Variants in ACTR3C observed in about 807,000 individuals in gnomAD.
ACTR3C encodes the protein actin-related protein 3C.
A neutral mutation model predicts 26.3 loss-of-function variants in ACTR3C; 18 were observed. That is an observed-to-expected ratio of 0.68 (90% CI 0.47 to 1.01). The LOEUF is 1.01. Ranked by LOEUF, ACTR3C falls within the 50% of genes least tolerant of loss-of-function variation. The pLI, the probability that ACTR3C is intolerant of heterozygous loss-of-function variation, is 0.00. For synonymous variants in ACTR3C, 55 were observed against 94.5 expected, an observed-to-expected ratio of 0.58 and a Z score of 2.42; for missense variants, 184 against 250.7, an observed-to-expected ratio of 0.73 and a Z score of 1.80.
intron 4 of ACTR3C, among the ~76,000 whole-genome samples, chr7:150,288,415 T>C (rs571961017): frequency 2.7e-4 from 36 of 133,938 alleles, no homozygotes; most frequent in Admixed American, 9.8e-4. Flanking sequence ...TTTTTTTTTT[T>C]TTCTTCTTTT....
At chr7:149,901,910 CAAAAAAAAAAAAAAAAAAAAAAA>C in the ACTR3C span, among the ~76,000 whole-genome samples, 329 of 56,780 alleles carry the variant, frequency 5.8e-3, 3 homozygotes, top group Non-Finnish European at 7.0e-3. Context: ...GACTCTGTCT[CAAAAAAAAAAAAAAAAAAAAAAA>C]AAAAAAAGAA....
chr7:149,889,912 A>C, the ACTR3C span, among the ~76,000 whole-genome samples: 2 of 152,232 alleles, frequency 1.3e-5, no homozygotes, highest in Admixed American at 6.5e-5. Context: ...CTGTGGATGT[A>C]CAGAGAAAAC....
At chr7:150,304,393 T>A (rs1164492858) in intron 1 of ACTR3C, among the ~76,000 whole-genome samples, 2 of 152,138 alleles carry the variant, frequency 1.3e-5, no homozygotes, top group Non-Finnish European at 2.9e-5. Context: ...TTCAAGATAA[T>A]CATGTATTCG....
the ACTR3C span, among the ~76,000 whole-genome samples, chr7:150,069,580 C>A: frequency 6.6e-6 from 1 of 151,698 alleles, no homozygotes; most frequent in Non-Finnish European, 1.5e-5. Flanking sequence ...GAGATAAAAG[C>A]CAGGGAGAGG....
At chr7:150,283,360 G>T (rs1835499663) in intron 6 of ACTR3C, among the ~76,000 whole-genome samples, 1 of 150,010 alleles carries the variant, frequency 6.7e-6, no homozygotes, top group Non-Finnish European at 1.5e-5. Context: ...TTTGTATTTT[G>T]TATTAGACAA....
chr7:149,905,170 C>G, the ACTR3C span, among the ~76,000 whole-genome samples: 1 of 150,938 alleles, frequency 6.6e-6, no homozygotes, highest in South Asian at 2.1e-4. Context: ...GGAATCGAAC[C>G]CACTAGATTA....
chr7:150,203,980 G>A, the ACTR3C span, among the ~76,000 whole-genome samples: 11 of 150,662 alleles, frequency 7.3e-5, no homozygotes, highest in South Asian at 2.1e-4. Context: ...ATTGGTTAGC[G>A]CACATTTACA....
At chr7:150,163,422 C>G in the ACTR3C span, among the ~76,000 whole-genome samples, 2 of 150,066 alleles carry the variant, frequency 1.3e-5, no homozygotes, top group African/African-American at 4.9e-5. Context: ...ACACACTTAT[C>G]TGTTTGTATA....
the ACTR3C span, among the ~76,000 whole-genome samples, chr7:150,099,890 G>A: frequency 1.3e-5 from 2 of 151,660 alleles, no homozygotes; most frequent in South Asian, 2.1e-4. Flanking sequence ...AAGGGAGGTC[G>A]CAGTGGCCTC....
At chr7:150,171,333 A>G in the ACTR3C span, among the ~76,000 whole-genome samples, 1 of 150,324 alleles carries the variant, frequency 6.7e-6, no homozygotes, top group African/African-American at 2.5e-5. Flanking sequence ...AATATATCCA[A>G]ATATTTGGAA....
chr7:150,261,527 C>A (rs1395757940), intron 6 of ACTR3C, among the ~76,000 whole-genome samples: 8 of 152,230 alleles, frequency 5.3e-5, no homozygotes, highest in Non-Finnish European at 1.2e-4. Flanking sequence ...ATGGTGAAAC[C>A]CCGTCTCTAC....
At chr7:150,263,953 G>T (rs541331397) in intron 6 of ACTR3C, among the ~76,000 whole-genome samples, 119 of 152,344 alleles carry the variant, frequency 7.8e-4, no homozygotes, top group African/African-American at 2.6e-3. Context: ...GCAGGTGGAA[G>T]CTATGACTAT....
chr7:150,039,038 C>T, the ACTR3C span, among the ~76,000 whole-genome samples: 74 of 131,630 alleles, frequency 5.6e-4, no homozygotes, highest in Middle Eastern at 5.1e-3. Context: ...AGTAATCCCA[C>T]GTAAGGTACC....
chr7:150,136,529 G>C, the ACTR3C span, among the ~76,000 whole-genome samples: 5 of 152,060 alleles, frequency 3.3e-5, no homozygotes, highest in South Asian at 8.3e-4. Flanking sequence ...AATTGGCCAG[G>C]CATGGTGGGG....
At chr7:149,976,777 T>C in the ACTR3C span, among the ~76,000 whole-genome samples, 3 of 152,088 alleles carry the variant, frequency 2.0e-5, no homozygotes, top group African/African-American at 7.2e-5. Context: ...ATTTGGAATA[T>C]TATAGAGTAA....
chr7:149,939,660 T>C, the ACTR3C span, among the ~76,000 whole-genome samples: 25 of 151,258 alleles, frequency 1.7e-4, 1 homozygote, highest in East Asian at 3.9e-3. Flanking sequence ...AGGCAGACTG[T>C]GCAGCAGATA....
intron 2 of ACTR3C, among the ~76,000 whole-genome samples, chr7:150,294,218 C>T (rs1434643099): frequency 1.3e-5 from 2 of 152,126 alleles, no homozygotes; most frequent in Admixed American, 6.5e-5. Flanking sequence ...CCATTTTCTT[C>T]GTCGGGGCGG....
At chr7:149,949,524 T>C in the ACTR3C span, among the ~76,000 whole-genome samples, 1 of 148,030 alleles carries the variant, frequency 6.8e-6, no homozygotes, top group South Asian at 2.1e-4. Flanking sequence ...CTTTTGCCTT[T>C]AGTCTTATGT....
chr7:150,316,349 G>A (rs1010190391), intron 1 of ACTR3C, among the ~76,000 whole-genome samples: 1 of 152,024 alleles, frequency 6.6e-6, no homozygotes, highest in Non-Finnish European at 1.5e-5. Flanking sequence ...ATAGTGTTTC[G>A]ACTGTAGTAG....
Sources: gnomAD v4.1 joint callset for allele counts (sites outside exome capture counted in the v4.1 genomes callset) on GRCh38, gnomAD v4.1.1 for gene constraint, MANE v1.5 for transcripts, NCBI Gene and HGNC (gene_info 2026-07-23, HGNC 2026-07-21) for gene names.